CLIC5: variants seen among roughly 807,000 people sequenced by gnomAD.
CLIC5 encodes the protein CLIC family member 5, also known as chloride intracellular channel protein 5.
CLIC5 carries 20 observed loss-of-function variants against 24.7 expected under a neutral mutation model. The observed-to-expected ratio is 0.81, with a 90% CI of 0.57 to 1.18. The LOEUF is 1.18. CLIC5 is among the 50% of genes most tolerant of loss of function. CLIC5 has a pLI of 0.00. For missense variants in CLIC5, 341 were observed against 326.1 expected, an observed-to-expected ratio of 1.05 and a Z score of -0.35; for synonymous variants, 159 against 135.6, an observed-to-expected ratio of 1.17 and a Z score of -1.20.
the CLIC5 span, among the ~76,000 whole-genome samples, chr6:46,124,249 A>T: frequency 1.3e-5 from 2 of 152,226 alleles, no homozygotes; most frequent in Non-Finnish European, 2.9e-5. Context: ...AGACCAATGG[A>T]ACAGAACAGA....
chr6:45,955,054 C>T (rs761379669), intron 2 of CLIC5, 81 bp downstream of exon 2: 80 of 967,594 alleles, frequency 8.3e-5, no homozygotes, highest in Non-Finnish European at 1.2e-4. Context: ...CTGGGAGCCA[C>T]GGAAGGCTTT....
chr6:45,944,090 G>A (rs1213582712), intron 3 of CLIC5, among the ~76,000 whole-genome samples: 2 of 152,136 alleles, frequency 1.3e-5, no homozygotes, highest in East Asian at 3.9e-4. Flanking sequence ...AACATTGGAT[G>A]TGATCTGATG....
chr6:46,094,038 C>T, the CLIC5 span, among the ~76,000 whole-genome samples: 2 of 152,152 alleles, frequency 1.3e-5, no homozygotes, highest in African/African-American at 2.4e-5. Context: ...TCTTACATGG[C>T]AGGGAAAGTA....
At chr6:45,971,537 G>A (rs3822889) in intron 1 of CLIC5, among the ~76,000 whole-genome samples, 19,011 of 152,138 alleles carry the variant, frequency 0.12, 1,754 homozygotes, top group East Asian at 0.48. Flanking sequence ...AACAGATGAT[G>A]CTACGTGATG....
intron 1 of CLIC5, among the ~76,000 whole-genome samples, chr6:46,053,779 T>C (rs1386377621): frequency 1.3e-5 from 2 of 152,164 alleles, no homozygotes; most frequent in Non-Finnish European, 2.9e-5. Context: ...CTGGGACCAA[T>C]TGCCTAAGGA....
chr6:45,970,618 G>A (rs1765169694), intron 1 of CLIC5, among the ~76,000 whole-genome samples: 2 of 152,160 alleles, frequency 1.3e-5, no homozygotes, highest in African/African-American at 4.8e-5. Flanking sequence ...CTGAGATGAA[G>A]GAGTCAGTGG....
chr6:46,011,833 T>A lies in CLIC5; in HGVS notation c.63+3647A>T, dbSNP rs572576862. ...CTAGCCTGTTGTCCTCCTCTTAGGA[T>A]CAAAGTCCAAGCTACATATTATCTC... On this transcript the variant is annotated intron_variant, in intron 1 of 5. Transcript: ENST00000339561. 3.3e-5 allele frequency among the ~76,000 whole-genome samples: 5 copies of A among 152,206 alleles called. No homozygotes were observed. The South Asian group carries it at 1.0e-3, about 32-fold the overall frequency.
At chr6:45,914,705 C>A (rs1271799474) in intron 4 of CLIC5, among the ~76,000 whole-genome samples, 3 of 151,924 alleles carry the variant, frequency 2.0e-5, no homozygotes, top group Admixed American at 1.3e-4. Context: ...GTAACCCCAG[C>A]ACTTTGGGAG....
chr6:46,082,972 C>T (rs1762955637), upstream of CLIC5, among the ~76,000 whole-genome samples: 1 of 152,166 alleles, frequency 6.6e-6, no homozygotes, highest in African/African-American at 2.4e-5. Flanking sequence ...AGAACAGTGT[C>T]TGGTACATAT....
chr6:45,914,562 C>A (rs1762947609), intron 4 of CLIC5, 153 bp from the exon 5 acceptor site: 1 of 1,258,428 alleles, frequency 7.9e-7, no homozygotes, highest in Non-Finnish European at 1.0e-6. Context: ...AAACCATTAA[C>A]ACAATGCAGT....
At chr6:45,990,125 A>G (rs1765882559) in intron 1 of CLIC5, among the ~76,000 whole-genome samples, 1 of 152,174 alleles carries the variant, frequency 6.6e-6, no homozygotes, top group Non-Finnish European at 1.5e-5. Context: ...TAGGACAATT[A>G]AATTATATAA....
At chr6:46,030,306 C>T (rs1487113123) in intron 1 of CLIC5, among the ~76,000 whole-genome samples, 1 of 152,192 alleles carries the variant, frequency 6.6e-6, no homozygotes, top group Non-Finnish European at 1.5e-5. Context: ...ATCCTTCCAT[C>T]ATCTCAAGTC....
the CLIC5 span, among the ~76,000 whole-genome samples, chr6:46,088,267 A>T: frequency 6.6e-6 from 1 of 152,102 alleles, no homozygotes; most frequent in African/African-American, 2.4e-5. Context: ...TCCAGGAAAG[A>T]TAAAGAAAGT....
intron 1 of CLIC5, among the ~76,000 whole-genome samples, chr6:45,970,806 T>A: frequency 6.6e-6 from 1 of 152,202 alleles, no homozygotes; most frequent in East Asian, 1.9e-4. Flanking sequence ...CAAGTCACTG[T>A]CTCGATCTGG....
intron 2 of CLIC5, among the ~76,000 whole-genome samples, chr6:45,950,006 TAAAC>T (rs952611873): frequency 7.9e-5 from 12 of 152,142 alleles, no homozygotes; most frequent in African/African-American, 2.9e-4. Flanking sequence ...GCCAGGAAAA[TAAAC>T]AAACTATTAG....
chr6:46,076,739 T>C (rs2127477597), intron 1 of CLIC5, among the ~76,000 whole-genome samples: 1 of 152,326 alleles, frequency 6.6e-6, no homozygotes, highest in Admixed American at 6.5e-5. Context: ...AAATAAGAAA[T>C]TAATACACCC....
intron 2 of CLIC5, among the ~76,000 whole-genome samples, chr6:45,950,082 G>C (rs1999908): frequency 0.87 from 131,922 of 152,136 alleles, 57,656 homozygotes; most frequent in Non-Finnish European, 0.9. Flanking sequence ...TAAGATTATT[G>C]CTCCACAAAC....
chr6:46,003,953 T>G (rs370443094), intron 1 of CLIC5, among the ~76,000 whole-genome samples: 6 of 152,298 alleles, frequency 3.9e-5, no homozygotes, highest in Non-Finnish European at 5.9e-5. Context: ...ACCTGGTATA[T>G]GAGAGGATTA....
chr6:46,011,633 T>C (rs1013705014), intron 1 of CLIC5, among the ~76,000 whole-genome samples: 22 of 152,200 alleles, frequency 1.4e-4, no homozygotes, highest in African/African-American at 3.6e-4. Context: ...GTATCATTAG[T>C]CACTTCTGGG....
Sources: gnomAD v4.1 joint callset for allele counts (sites outside exome capture counted in the v4.1 genomes callset) on GRCh38, gnomAD v4.1.1 for gene constraint, MANE v1.5 for transcripts, NCBI Gene and HGNC (gene_info 2026-07-23, HGNC 2026-07-21) for gene names.